The following ST6GAL2 variants were observed in gnomAD, a reference collection of about 807,000 sequenced individuals.
ST6GAL2 encodes ST6 beta-galactoside alpha-2,6-sialyltransferase 2.
A neutral mutation model predicts 37.5 loss-of-function variants in ST6GAL2; 24 were observed. The ratio of observed to expected loss-of-function variants is 0.64; its 90% CI spans 0.46 to 0.90. The LOEUF is 0.90. Among genes scored for constraint, ST6GAL2 ranks in the 40% least tolerant of loss-of-function variants. The pLI, the probability that ST6GAL2 is intolerant of heterozygous loss-of-function variation, is 0.00. For synonymous variants in ST6GAL2, 306 were observed against 295.1 expected (o/e 1.04, Z -0.38); for missense variants, 715 against 712.7 (o/e 1.00, Z -0.04).
chr2:106,832,167 G>A (rs1027442568), intron 4 of ST6GAL2, among the ~76,000 whole-genome samples: 1 of 152,324 alleles, frequency 6.6e-6, no homozygotes, highest in African/African-American at 2.4e-5. Flanking sequence ...GATTCACAAA[G>A]TTGAGATTTT....
intron 2 of ST6GAL2, among the ~76,000 whole-genome samples, chr2:106,840,851 T>G (rs1384206407): frequency 2.0e-5 from 3 of 152,162 alleles, no homozygotes; most frequent in African/African-American, 4.8e-5. Context: ...GCAGAGGTGT[T>G]TAAAACAAAA....
At chr2:106,810,011 A>C (rs1675548863) in intron 5 of ST6GAL2, among the ~76,000 whole-genome samples, 1 of 152,184 alleles carries the variant, frequency 6.6e-6, no homozygotes, top group African/African-American at 2.4e-5. Context: ...CATAGGTAGC[A>C]AGACATTCTG....
intron 2 of ST6GAL2, among the ~76,000 whole-genome samples, chr2:106,840,266 T>C (rs1676822366): frequency 6.6e-6 from 1 of 152,208 alleles, no homozygotes; most frequent in Non-Finnish European, 1.5e-5. Context: ...AACAAGAATT[T>C]CGCTACACCA....
At chr2:106,876,708 C>A (rs1298828560) in intron 1 of ST6GAL2, among the ~76,000 whole-genome samples, 4 of 152,142 alleles carry the variant, frequency 2.6e-5, no homozygotes, top group Non-Finnish European at 4.4e-5. Context: ...ATTCATCAAA[C>A]CATACGCATG....
At position 106,802,696 on chromosome 2, in the gene ST6GAL2, A is replaced by G. The variant is rs1007606589; in HGVS notation, c.*3982T>C. ...ATCAGTCATGTAACCACTGGGTAAG[A>G]GTTCTAAACTATCAGAAAGAGTTCT... On this transcript the variant is annotated 3_prime_UTR_variant, in exon 6 of 6. Transcript: ENST00000409382. 2 of 149,054 alleles carry G rather than the reference A, an allele frequency of 1.3e-5. No homozygotes were observed. Among genetic ancestry groups the G allele is most frequent in the African/African-American group, 4.9e-5 (2 of 41,198 alleles). The allele number at this position is 149,054 out of a possible 1,614,324, so 9.2% of individuals were successfully genotyped here.
chr2:106,827,934 A>G (rs1421050575), intron 5 of ST6GAL2, among the ~76,000 whole-genome samples: 1 of 152,200 alleles, frequency 6.6e-6, no homozygotes, highest in South Asian at 2.1e-4. Context: ...GAAACAGCAG[A>G]GGGGAATTCA....
chr2:106,832,700 G>A, intron 3 of ST6GAL2, 34 bp from the exon 4 acceptor site: 1 of 1,415,048 alleles, frequency 7.1e-7, no homozygotes. Flanking sequence ...TTCAAAGCCA[G>A]GGTTTGGTTT....
chr2:106,870,283 GA>G, intron 1 of ST6GAL2, among the ~76,000 whole-genome samples: 1 of 152,210 alleles, frequency 6.6e-6, no homozygotes, highest in Non-Finnish European at 1.5e-5. Context: ...AATGAATAAA[GA>G]TAGTTATTTT....
At chr2:106,837,583 G>A (rs1237685667) in intron 2 of ST6GAL2, among the ~76,000 whole-genome samples, 1 of 152,168 alleles carries the variant, frequency 6.6e-6, no homozygotes, top group Non-Finnish European at 1.5e-5. Flanking sequence ...CCACCAGCGA[G>A]GTGACTGCAG....
rs780368546 is a variant in ST6GAL2 at position 106,806,733 on chromosome 2, G to A, written c.1535C>T (p.Pro512Leu). 24 of 1,614,036 alleles carry A rather than the reference G, an allele frequency of 1.5e-5. No homozygotes were observed. The highest frequency in any genetic ancestry group is 4.0e-5 in the African/African-American group (3 of 74,932). Residue 512 changes from proline (P) to leucine (L), a missense_variant, in exon 6 of 6, where the codon CCC becomes CTC. Transcript: ENST00000409382. Reference sequence around the variant, plus strand: ...AGGGCAGTGCACCGCCTGGAAGCCGGGAAGAACCACCTTGCCCTTGCGATG... The same window carrying A: ...AGGGCAGTGCACCGCCTGGAAGCCGAGAAGAACCACCTTGCCCTTGCGATG... ...DLHRKGKVVL[P>L]GFQAVHCPAP...
intron 2 of ST6GAL2, among the ~76,000 whole-genome samples, chr2:106,837,549 G>A (rs1335011190): frequency 1.3e-5 from 2 of 152,152 alleles, no homozygotes; most frequent in Non-Finnish European, 2.9e-5. Flanking sequence ...GAAACCCTCT[G>A]GTTGCAGACA....
chr2:106,811,029 T>C (rs1675590173), intron 5 of ST6GAL2, among the ~76,000 whole-genome samples: 1 of 152,212 alleles, frequency 6.6e-6, no homozygotes, highest in South Asian at 2.1e-4. Flanking sequence ...AGGTTTATGG[T>C]GCCAAAGACG....
chr2:106,822,067 A>C (rs1200211280), intron 5 of ST6GAL2, among the ~76,000 whole-genome samples: 1 of 152,160 alleles, frequency 6.6e-6, no homozygotes, highest in African/African-American at 2.4e-5. Context: ...AATGGAGAAA[A>C]ATTGAAAACT....
intron 1 of ST6GAL2, among the ~76,000 whole-genome samples, chr2:106,864,713 G>T (rs1388079304): frequency 2.0e-5 from 3 of 152,058 alleles, no homozygotes; most frequent in Admixed American, 1.3e-4. Context: ...GATTTTAATT[G>T]GGCTCCACAG....
chr2:106,871,552 A>T (rs1678268634), intron 1 of ST6GAL2, among the ~76,000 whole-genome samples: 1 of 152,238 alleles, frequency 6.6e-6, no homozygotes, highest in South Asian at 2.1e-4. Context: ...CACATTGTAC[A>T]GCTGTACAAA....
chr2:106,873,586 T>G (rs952820854), intron 1 of ST6GAL2, among the ~76,000 whole-genome samples: 11 of 152,236 alleles, frequency 7.2e-5, no homozygotes, highest in African/African-American at 2.7e-4. Context: ...CCAATATATT[T>G]ACTAATTATT....
intron 5 of ST6GAL2, among the ~76,000 whole-genome samples, chr2:106,815,874 TCA>T (rs967274955): frequency 1.3e-5 from 2 of 152,138 alleles, no homozygotes; most frequent in Non-Finnish European, 2.9e-5. Flanking sequence ...ACCAGTTAAA[TCA>T]AAGGTGAGAG....
chr2:106,873,444 C>T (rs1678365104), intron 1 of ST6GAL2, among the ~76,000 whole-genome samples: 1 of 152,150 alleles, frequency 6.6e-6, no homozygotes, highest in African/African-American at 2.4e-5. Context: ...CACTGCTGAG[C>T]CCATTCGTTC....
chr2:106,846,188 C>T (rs893513002), intron 1 of ST6GAL2, among the ~76,000 whole-genome samples: 4 of 152,154 alleles, frequency 2.6e-5, no homozygotes, highest in African/African-American at 9.7e-5. Context: ...ATAGGAGAGC[C>T]GGTCTAGCCC....
Sources: gnomAD v4.1 joint callset for allele counts (sites outside exome capture counted in the v4.1 genomes callset) on GRCh38, gnomAD v4.1.1 for gene constraint, MANE v1.5 for transcripts, NCBI Gene and HGNC (gene_info 2026-07-23, HGNC 2026-07-21) for gene names.